Variants in SBF2 observed in about 807,000 individuals in gnomAD.
SBF2 encodes the protein SET binding factor 2, also known as myotubularin-related protein 13.
Under a neutral mutation model 225.2 loss-of-function variants are expected in SBF2, and 112 were observed. The observed-to-expected ratio is 0.50, with a 90% CI of 0.43 to 0.58. The LOEUF is 0.58. Ranked by LOEUF, SBF2 falls within the 20% of genes least tolerant of loss-of-function variation. The pLI is 0.00. For missense variants in SBF2, 1,996 were observed against 2,206.2 expected (o/e 0.90, Z 1.91); for synonymous variants, 763 against 773.3 (o/e 0.99, Z 0.22).
intron 16 of SBF2, among the ~76,000 whole-genome samples, chr11:9,950,113 C>T (rs530405200): frequency 6.6e-6 from 1 of 151,650 alleles, no homozygotes; most frequent in African/African-American, 2.4e-5. Context: ...GTGTTATGAA[C>T]TGGAGAACCA....
At chr11:10,185,227 C>T (rs1482508282) in intron 2 of SBF2, among the ~76,000 whole-genome samples, 1 of 152,056 alleles carries the variant, frequency 6.6e-6, no homozygotes, top group Non-Finnish European at 1.5e-5. Flanking sequence ...CTACTATAAA[C>T]ATGTGTATGA....
chr11:10,051,330 T>C (rs765122816), intron 2 of SBF2, among the ~76,000 whole-genome samples: 1 of 152,142 alleles, frequency 6.6e-6, no homozygotes, highest in Non-Finnish European at 1.5e-5. Context: ...GTTTAGATAG[T>C]AAGACCACCT....
rs577898867 is a variant in SBF2 at position 10,133,122 on chromosome 11, A to G, written c.141+60780T>C. Among the ~76,000 whole-genome samples, 108 of 149,186 alleles carry G rather than the reference A, an allele frequency of 7.2e-4. 6 individuals are homozygous for G. In the South Asian group the frequency reaches 8.3e-3, roughly 11 times the overall value. On this transcript the variant is annotated intron_variant, in intron 2 of 39. Transcript: ENST00000256190. ...CAGAGCAGCTAGATACAGAGTGTCG[A>G]TTGGTGCACTCACAAACCTTGAGCT...
intron 2 of SBF2, among the ~76,000 whole-genome samples, chr11:10,191,248 A>G (rs1460044965): frequency 1.2e-4 from 19 of 152,166 alleles, no homozygotes; most frequent in Admixed American, 1.2e-3. Flanking sequence ...CAATTAGACT[A>G]AAATTTTATT....
At chr11:10,068,705 T>G (rs1361766869) in intron 2 of SBF2, among the ~76,000 whole-genome samples, 1 of 152,108 alleles carries the variant, frequency 6.6e-6, no homozygotes, top group Non-Finnish European at 1.5e-5. Context: ...TTATCATTAT[T>G]ACTAATATTA....
chr11:9,851,088 A>G (rs989472711), intron 21 of SBF2, among the ~76,000 whole-genome samples: 29 of 141,646 alleles, frequency 2.0e-4, no homozygotes, highest in Non-Finnish European at 3.7e-4. Flanking sequence ...GTGAGCCGAG[A>G]TTGTGCCACT....
At chr11:9,782,041 C>T (rs1852041234) in intron 38 of SBF2, among the ~76,000 whole-genome samples, 1 of 151,878 alleles carries the variant, frequency 6.6e-6, no homozygotes, top group Non-Finnish European at 1.5e-5. Flanking sequence ...CAAAAATCAG[C>T]CAATCGTGGT....
chr11:9,895,970 T>A lies in SBF2; in HGVS notation c.1902A>T (p.Leu634Phe), dbSNP rs1861220165. The part of the protein sequence containing the change: ...SLEEYNIAAA[L>F]LPLTSAFYRK... Reference sequence around the variant, plus strand: ...TATAGAAAGCACTGGTCAAAGGGAGTAATGCTGCGGCAATGTTGTATTCTT... The same window carrying A: ...TATAGAAAGCACTGGTCAAAGGGAGAAATGCTGCGGCAATGTTGTATTCTT... The change falls in exon 17 of 40, where the codon TTA (leucine) becomes TTT (phenylalanine). Residue 634 changes from leucine to phenylalanine, a missense_variant. By Grantham distance (22) the Leu-to-Phe change is conservative (BLOSUM62 0). Coordinates refer to ENST00000256190, the MANE Select transcript of SBF2 (RefSeq NM_030962.4). The A allele has an allele frequency of 6.2e-7, 1 of 1,613,044 alleles. No individual in the cohort carries two copies. The highest frequency in any genetic ancestry group is 8.5e-7 in the Non-Finnish European group (1 of 1,179,384).
In SBF2 at chr11:10,075,870, G is replaced by A. The variant is rs564652925; in HGVS notation, c.142-32889C>T. Among the ~76,000 whole-genome samples, 59 of 151,926 alleles carry A rather than the reference G, an allele frequency of 3.9e-4. No individual in the cohort carries two copies. The Middle Eastern group carries it at 0.01, about 27-fold the overall frequency. The stretch of plus-strand genomic sequence containing the variant: ...AGCCTGAGACATAAAGGATGGGATC[G>A]TAGAGGAAACAGAAAACCATTTCTG... On this transcript the variant is annotated intron_variant, in intron 2 of 39. Transcript: ENST00000256190.
chr11:10,162,721 A>G (rs190971232), intron 2 of SBF2, among the ~76,000 whole-genome samples: 19 of 152,344 alleles, frequency 1.2e-4, no homozygotes, highest in African/African-American at 4.6e-4. Flanking sequence ...TCTATTTAAA[A>G]CATTGAATGA....
At chr11:10,214,127 C>A (rs1958037593) in intron 1 of SBF2, among the ~76,000 whole-genome samples, 1 of 152,084 alleles carries the variant, frequency 6.6e-6, no homozygotes, top group Admixed American at 6.6e-5. Flanking sequence ...ACATTTTGGG[C>A]CAGGTAACTC....
rs542092177 is a variant in SBF2 at position 10,153,606 on chromosome 11, T to TCCTAAAAA, written c.141+40288_141+40295dup. Among the ~76,000 whole-genome samples, 39 of 152,130 alleles carry TCCTAAAAA rather than the reference T, an allele frequency of 2.6e-4. No individual in the cohort carries two copies. The South Asian group carries it at 7.7e-3, about 30-fold the overall frequency. On this transcript the variant is annotated intron_variant, in intron 2 of 39. Transcript: ENST00000256190. ...CTCCAATCAATGACTTCAGCTTCTATCCTAAAAACTTGAAAATGTAATGCA... is the reference window on the plus strand; with the variant it reads ...CTCCAATCAATGACTTCAGCTTCTATCCTAAAAACCTAAAAACTTGAAAATGTAATGCA...
chr11:9,816,549 CTT>C (rs1009950136), intron 29 of SBF2, among the ~76,000 whole-genome samples: 1 of 151,566 alleles, frequency 6.6e-6, no homozygotes, highest in Non-Finnish European at 1.5e-5. Context: ...AGCCTTATTC[CTT>C]TTTTTTGTAT....
At chr11:10,277,786 T>C (rs953498076) in intron 1 of SBF2, among the ~76,000 whole-genome samples, 1 of 152,088 alleles carries the variant, frequency 6.6e-6, no homozygotes, top group Non-Finnish European at 1.5e-5. Context: ...CTACCACCAA[T>C]CAAGGAGCCC....
intron 1 of SBF2, 44 bp downstream of exon 1, chr11:10,293,971 G>A (rs1964346919): frequency 7.9e-7 from 1 of 1,263,504 alleles, no homozygotes; most frequent in South Asian, 2.5e-5. Context: ...GACAGCGGCC[G>A]GGGGGCGGGG....
intron 1 of SBF2, among the ~76,000 whole-genome samples, chr11:10,239,139 G>A (rs902695781): frequency 6.6e-6 from 1 of 150,480 alleles, no homozygotes; most frequent in Non-Finnish European, 1.5e-5. Context: ...ATATCTGCAT[G>A]TATGTGAATA....
At chr11:10,170,442 T>A (rs970713550) in intron 2 of SBF2, among the ~76,000 whole-genome samples, 2 of 152,180 alleles carry the variant, frequency 1.3e-5, no homozygotes. Context: ...CCTGTAGATA[T>A]ACAGATTTGT....
chr11:9,794,705 A>AAAAAAC (rs1478606052), intron 33 of SBF2, among the ~76,000 whole-genome samples: 1 of 145,206 alleles, frequency 6.9e-6, no homozygotes, highest in Admixed American at 6.8e-5. Context: ...AAAAAAAAAA[A>AAAAAAC]AAGACCAGGC....
intron 2 of SBF2, among the ~76,000 whole-genome samples, chr11:10,097,564 T>C (rs755199892): frequency 2.0e-5 from 3 of 152,050 alleles, no homozygotes; most frequent in Admixed American, 1.3e-4. Flanking sequence ...CCTCAAAAAT[T>C]TGGCATCAAG....
Sources: allele counts gnomAD v4.1 joint callset (sites outside exome capture counted in the v4.1 genomes callset), GRCh38; gene constraint gnomAD v4.1.1; transcripts MANE v1.5; gene names NCBI Gene and HGNC (gene_info 2026-07-23, HGNC 2026-07-21).